MIA2: variants seen among roughly 807,000 people sequenced by gnomAD.
MIA2 encodes MIA SH3 domain ER export factor 2.
In MIA2, 127 loss-of-function variants were observed where a neutral mutation model predicts 167.8. That is an observed-to-expected ratio of 0.76 (90% CI 0.66 to 0.88). MIA2 has a LOEUF of 0.88. Ranked by LOEUF, MIA2 falls within the 40% of genes least tolerant of loss-of-function variation. The probability of loss-of-function intolerance (pLI) is 0.00; values close to 1 mark genes in which losing one functional copy is unlikely to be tolerated. For missense variants in MIA2, 1,690 were observed against 1,624.7 expected (o/e 1.04, Z -0.69); for synonymous variants, 552 against 541.9 (o/e 1.02, Z -0.26).
Position 39,300,977 on chromosome 14 carries a change from T to TAC in MIA2, c.2619+992_2619+993insCA, listed in dbSNP as rs376393471. Among the ~76,000 whole-genome samples, 78 of 76,152 alleles carry TAC rather than the reference T, an allele frequency of 1.0e-3. 1 individual carries two copies. The highest frequency in any genetic ancestry group is 2.8e-3 in the African/African-American group (66 of 23,782). 50.0% of individuals were successfully genotyped at this position (76,152 alleles called of 152,430 possible). On this transcript the variant is annotated intron_variant, in intron 14 of 28. Transcript: ENST00000640607. The stretch of plus-strand genomic sequence containing the variant: ...ACATACATATACACATATATACACA[T>TAC]ATATACATATATACACATATATACA...
At chr14:39,296,845 G>C (rs1227845016) in intron 13 of MIA2, among the ~76,000 whole-genome samples, 4 of 151,184 alleles carry the variant, frequency 2.6e-5, no homozygotes, top group African/African-American at 9.7e-5. Flanking sequence ...GCCTGATCTT[G>C]GCTCACTGCA....
Position 39,236,566 on chromosome 14 carries a change from G to A in MIA2, c.116-356G>A, listed in dbSNP as rs143423997. On this transcript the variant is annotated intron_variant, in intron 1 of 28. Transcript: ENST00000640607. The stretch of plus-strand genomic sequence containing the variant: ...ATGCCTAGAATATAGTAAGTGCCAG[G>A]AAGAAAACTGATTATCTTTTGTCCT... 8.9e-3 allele frequency among the ~76,000 whole-genome samples: 1,358 copies of A among 152,288 alleles called. 12 individuals are homozygous for A. Among genetic ancestry groups the A allele is most frequent in the Admixed American group, 0.016 (238 of 15,298 alleles).
chr14:39,242,397 A>G (rs548368231), intron 3 of MIA2, among the ~76,000 whole-genome samples: 22 of 148,424 alleles, frequency 1.5e-4, no homozygotes, highest in African/African-American at 5.0e-4. Context: ...ATCTCTGCTC[A>G]CTGCAACCTC....
chr14:39,315,860 G>T (rs2065319263), intron 21 of MIA2, 142 bp downstream of exon 21: 3 of 601,060 alleles, frequency 5.0e-6, no homozygotes, highest in Non-Finnish European at 8.4e-6. Context: ...GTGAAATTAT[G>T]TTCCTTGTGA....
chr14:39,251,986 A>G (rs1208725221), intron 4 of MIA2, among the ~76,000 whole-genome samples: 1 of 152,152 alleles, frequency 6.6e-6, no homozygotes, highest in South Asian at 2.1e-4. Flanking sequence ...CATATATACT[A>G]TATATGTACA....
chr14:39,308,005 G>A (rs527922357), intron 17 of MIA2, among the ~76,000 whole-genome samples: 49 of 152,200 alleles, frequency 3.2e-4, no homozygotes, highest in Non-Finnish European at 5.6e-4. Flanking sequence ...TAGATAGGTG[G>A]AACAATTTCT....
At chr14:39,287,330 C>G (rs571187635) in intron 9 of MIA2, among the ~76,000 whole-genome samples, 33 of 152,242 alleles carry the variant, frequency 2.2e-4, no homozygotes, top group Admixed American at 7.2e-4. Context: ...TTATCTCAGC[C>G]TCCCAAAGTG....
intron 26 of MIA2, 165 bp from the exon 27 acceptor site, chr14:39,347,548 C>A: frequency 1.6e-6 from 1 of 619,308 alleles, no homozygotes; most frequent in Non-Finnish European, 2.8e-6. Context: ...GCCAGAATTT[C>A]TAGGGACCTC....
At position 39,279,359 on chromosome 14, in the gene MIA2, G is replaced by A. The variant is rs751002901; in HGVS notation, c.2041+1G>A. 1.2e-6 allele frequency: 2 copies of A among 1,608,410 alleles called. No individual in the cohort carries two copies. Among genetic ancestry groups the A allele is most frequent in the Admixed American group, 3.4e-5 (2 of 58,860 alleles). ...CAGGTTAGGAGTCGGCTTTATGTGG[G>A]TAAGTTCTTTTTTCTGCTTTGACTC... On this transcript the variant is annotated splice_donor_variant, in intron 8 of 28. Coordinates refer to ENST00000640607, the MANE Select transcript of MIA2 (RefSeq NM_001329214.4). LOFTEE classifies it high-confidence loss of function.
chr14:39,307,231 C>G (rs917374895), intron 17 of MIA2, among the ~76,000 whole-genome samples: 1 of 151,790 alleles, frequency 6.6e-6, no homozygotes, highest in Non-Finnish European at 1.5e-5. Flanking sequence ...AATAGTTTTA[C>G]GGGGAATGTT....
At chr14:39,385,208 C>G (rs2075251199) in intron 23 of MIA2, among the ~76,000 whole-genome samples, 1 of 152,098 alleles carries the variant, frequency 6.6e-6, no homozygotes, top group African/African-American at 2.4e-5. Flanking sequence ...TTAAACCTGA[C>G]AAACCCAAAG....
At chr14:39,234,323 T>C in intron 1 of MIA2, 94 bp downstream of exon 1, 2 of 669,592 alleles carry the variant, frequency 3.0e-6, no homozygotes, top group South Asian at 2.3e-5. Context: ...AAATGAGTAT[T>C]GATACCATTG....
chr14:39,378,511 A>G (rs142351550), intron 23 of MIA2, among the ~76,000 whole-genome samples: 1 of 152,366 alleles, frequency 6.6e-6, no homozygotes, highest in African/African-American at 2.4e-5. Flanking sequence ...GGATCAAAGT[A>G]AAACAACAAT....
chr14:39,248,049 T>C lies in MIA2; in HGVS notation c.1475T>C (p.Ile492Thr), dbSNP rs759079824. 3.2e-6 allele frequency: 5 copies of C among 1,566,436 alleles called. No individual in the cohort carries two copies. The highest frequency in any genetic ancestry group is 2.5e-5 in the South Asian group (2 of 81,064). The stretch of plus-strand genomic sequence containing the variant: ...CAGATACTGGATCAAAATAATGTAA[T>C]TGAAAATGAAGAAACTGGAGAATTT... ...PKQILDQNNV[I>T]ENEETGEFSI... Residue 492 changes from isoleucine (I) to threonine (T), a missense_variant, in exon 4 of 29, where the codon ATT (isoleucine) becomes ACT (threonine). Physicochemically the swap from Ile to Thr is moderately conservative, Grantham distance 89. Coordinates refer to ENST00000640607, the MANE Select transcript of MIA2 (RefSeq NM_001329214.4).
intron 4 of MIA2, among the ~76,000 whole-genome samples, chr14:39,252,409 C>T (rs1028799684): frequency 2.0e-5 from 3 of 152,090 alleles, no homozygotes; most frequent in African/African-American, 7.2e-5. Flanking sequence ...TGCAGGAGGC[C>T]TCCAGAAAGC....
chr14:39,327,265 A>G (rs1331856635), intron 25 of MIA2, among the ~76,000 whole-genome samples: 1 of 149,580 alleles, frequency 6.7e-6, no homozygotes, highest in Admixed American at 6.6e-5. Flanking sequence ...AGAGGTAATA[A>G]TGCATGTTTA....
At chr14:39,335,114 G>C (rs1275019834) in intron 25 of MIA2, among the ~76,000 whole-genome samples, 4 of 152,088 alleles carry the variant, frequency 2.6e-5, no homozygotes, top group Non-Finnish European at 5.9e-5. Flanking sequence ...AGTGACTTCT[G>C]TAAAACAGAG....
intron 9 of MIA2, among the ~76,000 whole-genome samples, chr14:39,284,480 G>C (rs2059349244): frequency 6.6e-6 from 1 of 152,060 alleles, no homozygotes; most frequent in South Asian, 2.1e-4. Flanking sequence ...AAATGAGTTA[G>C]TCTGATGCTG....
At chr14:39,283,290 A>C (rs919894052) in intron 9 of MIA2, among the ~76,000 whole-genome samples, 1 of 152,162 alleles carries the variant, frequency 6.6e-6, no homozygotes. Context: ...GCTCTATTTT[A>C]AATTTCTTTA....
Sources: allele counts gnomAD v4.1 joint callset (sites outside exome capture counted in the v4.1 genomes callset), GRCh38; gene constraint gnomAD v4.1.1; transcripts MANE v1.5; gene names NCBI Gene and HGNC (gene_info 2026-07-23, HGNC 2026-07-21).